NELL1: variants seen among roughly 807,000 people sequenced by gnomAD.
NELL1 encodes protein kinase C-binding protein NELL1.
A neutral mutation model predicts 107.4 loss-of-function variants in NELL1; 76 were observed. The ratio of observed to expected loss-of-function variants is 0.71; its 90% confidence interval spans 0.59 to 0.86. The LOEUF is 0.86. Among genes scored for constraint, NELL1 ranks in the 40% least tolerant of loss-of-function variants. The pLI is 0.00. For synonymous variants in NELL1, 353 were observed against 341.2 expected (o/e 1.03, Z -0.38); for missense variants, 1,024 against 1,005.5 (o/e 1.02, Z -0.25).
chr11:21,461,166 C>G (rs1484948545), intron 15 of NELL1, among the ~76,000 whole-genome samples: 1 of 152,022 alleles, frequency 6.6e-6, no homozygotes, highest in Non-Finnish European at 1.5e-5. Context: ...CAACTCATAG[C>G]TCACTAATTA....
intron 14 of NELL1, among the ~76,000 whole-genome samples, chr11:21,364,525 AAACAAGTCATTGG>A (rs1363954994): frequency 6.6e-6 from 1 of 152,150 alleles, no homozygotes; most frequent in African/African-American, 2.4e-5. Flanking sequence ...TGGATTGCAA[AAACAAGTCATTGG>A]ATCGTAGCCG....
intron 5 of NELL1, among the ~76,000 whole-genome samples, chr11:20,905,669 G>T (rs557953165): frequency 1.3e-5 from 2 of 152,238 alleles, no homozygotes; most frequent in Admixed American, 1.3e-4. Flanking sequence ...TGCAAGAGAA[G>T]ATTTGAGCAG....
intron 14 of NELL1, among the ~76,000 whole-genome samples, chr11:21,272,021 G>T (rs963883844): frequency 1.3e-5 from 2 of 152,214 alleles, no homozygotes; most frequent in Non-Finnish European, 2.9e-5. Context: ...TGAGGTACTG[G>T]GTTCATCTCA....
At chr11:20,952,704 G>A (rs573407246) in intron 11 of NELL1, among the ~76,000 whole-genome samples, 27 of 152,292 alleles carry the variant, frequency 1.8e-4, no homozygotes, top group Middle Eastern at 3.4e-3. Flanking sequence ...GGGAACAGAG[G>A]ATAGTCTTAG....
chr11:20,859,315 A>C (rs1025397810), intron 4 of NELL1, among the ~76,000 whole-genome samples: 3 of 152,206 alleles, frequency 2.0e-5, no homozygotes, highest in Non-Finnish European at 2.9e-5. Context: ...AGATGCTAGA[A>C]GGCTTATGTG....
intron 12 of NELL1, chr11:21,001,092 A>T (rs1852209380): frequency 6.6e-6 from 1 of 152,174 alleles, no homozygotes; most frequent in African/African-American, 2.4e-5. Context: ...GTATACACTC[A>T]TGAAAAGAGT....
intron 14 of NELL1, among the ~76,000 whole-genome samples, chr11:21,287,252 T>C (rs943371380): frequency 3.3e-5 from 5 of 152,170 alleles, no homozygotes; most frequent in Non-Finnish European, 7.4e-5. Context: ...CAACACCTTC[T>C]TCCTCATTAG....
At chr11:21,280,662 G>C (rs192083474) in intron 14 of NELL1, among the ~76,000 whole-genome samples, 23 of 152,182 alleles carry the variant, frequency 1.5e-4, no homozygotes, top group African/African-American at 5.3e-4. Flanking sequence ...AGCCAGAGGA[G>C]AATCACCATC....
chr11:21,460,540 G>A (rs748602340), intron 15 of NELL1, among the ~76,000 whole-genome samples: 4 of 152,114 alleles, frequency 2.6e-5, no homozygotes, highest in Non-Finnish European at 5.9e-5. Context: ...TTTCTGACAT[G>A]AATTGGGTAT....
At chr11:21,102,041 C>T (rs931055743) in intron 12 of NELL1, among the ~76,000 whole-genome samples, 4 of 152,100 alleles carry the variant, frequency 2.6e-5, no homozygotes, top group South Asian at 2.1e-4. Context: ...TTAGTAGAAA[C>T]GGGGTTTCAC....
chr11:20,793,758 G>A lies in NELL1; in HGVS notation c.335+9928G>A, dbSNP rs542892549. 2.5e-4 allele frequency among the ~76,000 whole-genome samples: 38 copies of A among 152,190 alleles called. 1 individual carries two copies. In the Middle Eastern group the frequency reaches 0.01, roughly 41 times the overall value. On this transcript the variant is annotated intron_variant, in intron 3 of 19. Transcript: ENST00000357134. ...TAAAGCAGTGTTTAAATATTCCAAA[G>A]TGATTAAATTAAAAATGCTTAATGG... is the stretch of plus-strand genomic sequence containing the variant.
chr11:21,270,752 C>T (rs150500273), intron 14 of NELL1, among the ~76,000 whole-genome samples: 2 of 152,056 alleles, frequency 1.3e-5, no homozygotes, highest in African/African-American at 4.8e-5. Context: ...ATGGAACATT[C>T]ATCAAAATAA....
At chr11:20,741,605 G>C (rs1855891270) in intron 2 of NELL1, among the ~76,000 whole-genome samples, 2 of 152,066 alleles carry the variant, frequency 1.3e-5, no homozygotes, top group Non-Finnish European at 2.9e-5. Context: ...ATAATCCTAA[G>C]AACTTTTCAG....
intron 14 of NELL1, among the ~76,000 whole-genome samples, chr11:21,270,736 G>A (rs1848721943): frequency 6.6e-6 from 1 of 152,056 alleles, no homozygotes; most frequent in South Asian, 2.1e-4. Context: ...TTCTTCTCAA[G>A]CTCACATGGA....
At chr11:21,127,590 GGAGGAAGAGGAAGAA>G (rs201132328) in intron 13 of NELL1, among the ~76,000 whole-genome samples, 11,576 of 151,864 alleles carry the variant, frequency 0.076, 633 homozygotes, top group South Asian at 0.19. Context: ...AAGAGGAAGA[GGAGGAAGAGGAAGAA>G]GAGGAAGAGG....
chr11:21,533,408 A>G (rs992419400), intron 15 of NELL1, among the ~76,000 whole-genome samples: 1 of 152,224 alleles, frequency 6.6e-6, no homozygotes, highest in Non-Finnish European at 1.5e-5. Flanking sequence ...TGAGTCCCAT[A>G]TTTCAGATAT....
intron 13 of NELL1, among the ~76,000 whole-genome samples, chr11:21,185,881 A>G (rs1332524282): frequency 6.6e-6 from 1 of 151,742 alleles, no homozygotes; most frequent in Non-Finnish European, 1.5e-5. Flanking sequence ...GCATCTGCAA[A>G]TGACTCTAAT....
intron 2 of NELL1, among the ~76,000 whole-genome samples, chr11:20,772,866 C>G (rs1214764033): frequency 1.3e-5 from 2 of 152,166 alleles, no homozygotes; most frequent in Non-Finnish European, 2.9e-5. Flanking sequence ...CACGTTTTAA[C>G]TTTTTGTATC....
intron 13 of NELL1, among the ~76,000 whole-genome samples, chr11:21,200,431 A>G (rs1006137937): frequency 6.6e-6 from 1 of 152,136 alleles, no homozygotes; most frequent in Non-Finnish European, 1.5e-5. Flanking sequence ...TGTTGGCCAC[A>G]TAAATGTCTT....
Sources: gnomAD v4.1 joint callset for allele counts (sites outside exome capture counted in the v4.1 genomes callset) on GRCh38, gnomAD v4.1.1 for gene constraint, MANE v1.5 for transcripts, NCBI Gene and HGNC (gene_info 2026-07-23, HGNC 2026-07-21) for gene names.